The following LEP variants were observed in gnomAD, a reference collection of about 807,000 sequenced individuals.
The protein encoded by LEP is leptin.
A neutral mutation model predicts 9.8 loss-of-function variants in LEP; 6 were observed. The observed-to-expected ratio is 0.61, with a 90% confidence interval of 0.34 to 1.21. The LOEUF is 1.21. Among genes scored for constraint, LEP ranks in the 50% most tolerant of loss-of-function variants. The probability of loss-of-function intolerance (pLI) is 0.04; values close to 1 mark genes in which losing one functional copy is unlikely to be tolerated. For missense variants in LEP, 134 were observed against 198.1 expected (o/e 0.68, Z 1.94); for synonymous variants, 112 against 81.7 (o/e 1.37, Z -2.00).
chr7:128,244,521 G>C (rs1162637384), intron 1 of LEP, among the ~76,000 whole-genome samples: 1 of 152,172 alleles, frequency 6.6e-6, no homozygotes, highest in Non-Finnish European at 1.5e-5. Flanking sequence ...ACTCTCAAGA[G>C]TGCATTACCC....
chr7:128,242,030 AC>A (rs1380188616), intron 1 of LEP, among the ~76,000 whole-genome samples: 2 of 152,222 alleles, frequency 1.3e-5, no homozygotes, highest in Non-Finnish European at 1.5e-5. Context: ...CTGTTGGCCC[AC>A]CAGGCTCACC....
intron 1 of LEP, among the ~76,000 whole-genome samples, chr7:128,247,954 G>T (rs1206408300): frequency 6.6e-6 from 1 of 152,174 alleles, no homozygotes; most frequent in African/African-American, 2.4e-5. Flanking sequence ...TCTTTGCTGA[G>T]TCACCCAAGG....
intron 1 of LEP, among the ~76,000 whole-genome samples, chr7:128,251,321 A>G (rs904346535): frequency 2.0e-5 from 3 of 152,180 alleles, no homozygotes; most frequent in East Asian, 1.9e-4. Flanking sequence ...TGCGTCTGAC[A>G]TATTATTTAG....
chr7:128,249,411 T>C lies in LEP; in HGVS notation c.-28-2580T>C, dbSNP rs193025377. Reference sequence around the variant, plus strand: ...CTCCTGGTTCAAGATGGTGCTAGAATGTTGGCTACCATATCTATAGTCCAG... The same window carrying C: ...CTCCTGGTTCAAGATGGTGCTAGAACGTTGGCTACCATATCTATAGTCCAG... On this transcript the variant is annotated intron_variant, in intron 1 of 2. Transcript: ENST00000308868. Among the ~76,000 whole-genome samples the C allele has an allele frequency of 6.0e-4, 91 of 152,290 alleles. 1 individual carries two copies. The highest frequency in any genetic ancestry group is 4.1e-3 in the East Asian group (21 of 5,180).
chr7:128,242,537 A>G (rs970268406), intron 1 of LEP, among the ~76,000 whole-genome samples: 2 of 152,216 alleles, frequency 1.3e-5, no homozygotes, highest in African/African-American at 4.8e-5. Context: ...GCAGGGAGAC[A>G]AGGCAAGAGA....
chr7:128,251,862 AGGGGAT>A (rs1795278609), intron 1 of LEP, 123 bp from the exon 2 acceptor site: 1 of 748,110 alleles, frequency 1.3e-6, no homozygotes, highest in South Asian at 1.5e-5. Flanking sequence ...TTTGACTTTG[AGGGGAT>A]GGTAGCCAGA....
chr7:128,250,052 C>T lies in LEP; in HGVS notation c.-28-1939C>T, dbSNP rs1042817448. Among the ~76,000 whole-genome samples the T allele has an allele frequency of 5.3e-5, 8 of 152,214 alleles. 1 individual carries two copies. The highest frequency in any genetic ancestry group is 1.9e-4 in the African/African-American group (8 of 41,532). Reference sequence around the variant, plus strand: ...CACAGTTAATCTGGTAATAAATTCTCTTGGGTAGGAGGAAAGGAAAGGATG... The same window carrying T: ...CACAGTTAATCTGGTAATAAATTCTTTTGGGTAGGAGGAAAGGAAAGGATG... On this transcript the variant is annotated intron_variant, in intron 1 of 2. Coordinates refer to ENST00000308868, the MANE Select transcript of LEP (RefSeq NM_000230.3).
chr7:128,254,574 G>A lies in LEP; in HGVS notation c.315G>A (p.Arg105=), dbSNP rs755102882. The A allele has an allele frequency of 5.6e-6, 9 of 1,614,178 alleles. No homozygotes were observed. Among genetic ancestry groups the A allele is most frequent in the Non-Finnish European group, 7.6e-6 (9 of 1,180,028 alleles). ...TATCCAACGACCTGGAGAACCTCCG[G>A]GATCTTCTTCACGTGCTGGCCTTCT... ...IQISNDLENL[R]DLLHVLAFSK... Residue 105 remains arginine (R), a synonymous_variant, in exon 3 of 3, where the codon CGG becomes CGA. Coordinates refer to ENST00000308868, the MANE Select transcript of LEP (RefSeq NM_000230.3).
Position 128,254,998 on chromosome 7 carries a change from A to G in LEP, c.*235A>G. The G allele has an allele frequency of 1.8e-6, 1 of 544,920 alleles. No individual in the cohort carries two copies. The highest frequency in any genetic ancestry group is 2.0e-5 in the South Asian group (1 of 49,964). The allele number at this position is 544,920 out of a possible 1,614,324, so 33.8% of individuals were successfully genotyped here. A position where few individuals can be genotyped will look rare whatever the true frequency, so the allele number is the denominator to read the frequency against. On this transcript the variant is annotated 3_prime_UTR_variant, in exon 3 of 3. Coordinates refer to ENST00000308868, the MANE Select transcript of LEP (RefSeq NM_000230.3). ...TCACCAGGAAGGGGGTCCACCCAGCAAAGAGTGGGCTGCATCTGGGATTCC... is the reference window on the plus strand; with the variant it reads ...TCACCAGGAAGGGGGTCCACCCAGCGAAGAGTGGGCTGCATCTGGGATTCC...
At chr7:128,241,622 C>G (rs1340919400) in intron 1 of LEP, among the ~76,000 whole-genome samples, 2 of 152,226 alleles carry the variant, frequency 1.3e-5, no homozygotes, top group East Asian at 3.8e-4. Context: ...TTGGAAATTG[C>G]CTTGGGCACA....
chr7:128,247,550 G>A (rs910041001), intron 1 of LEP, among the ~76,000 whole-genome samples: 1 of 152,126 alleles, frequency 6.6e-6, no homozygotes, highest in Non-Finnish European at 1.5e-5. Context: ...TCAGCTGGAA[G>A]CCACCATCTC....
At chr7:128,242,792 A>T (rs1444037636) in intron 1 of LEP, among the ~76,000 whole-genome samples, 2 of 152,320 alleles carry the variant, frequency 1.3e-5, no homozygotes, top group East Asian at 3.9e-4. Context: ...CCCCAGGCAG[A>T]TGCCTTGCAC....
At chr7:128,241,438 A>G (rs1367552762) in intron 1 of LEP, 132 bp downstream of exon 1, 1 of 153,084 alleles carries the variant, frequency 6.5e-6, no homozygotes, top group East Asian at 1.9e-4. Flanking sequence ...GTTCTGGACT[A>G]TGATAGCTTT....
intron 1 of LEP, among the ~76,000 whole-genome samples, chr7:128,247,763 A>T (rs879883059): frequency 6.6e-6 from 1 of 152,216 alleles, no homozygotes; most frequent in Non-Finnish European, 1.5e-5. Context: ...GGCACTTTAC[A>T]TGCTTTATCT....
intron 2 of LEP, among the ~76,000 whole-genome samples, chr7:128,253,230 G>C (rs1215682865): frequency 6.6e-6 from 1 of 152,094 alleles, no homozygotes; most frequent in Non-Finnish European, 1.5e-5. Flanking sequence ...TGTAGTTCCA[G>C]CTGATCTCTG....
chr7:128,245,313 TCCCATCCCCGGAGTC>T, intron 1 of LEP, among the ~76,000 whole-genome samples: 1 of 152,158 alleles, frequency 6.6e-6, no homozygotes, highest in East Asian at 1.9e-4. Context: ...AAAGCTCTCC[TCCCATCCCCGGAGTC>T]CCTCTTCCCC....
intron 1 of LEP, among the ~76,000 whole-genome samples, chr7:128,248,720 G>A (rs933415607): frequency 6.6e-6 from 1 of 152,180 alleles, no homozygotes; most frequent in Non-Finnish European, 1.5e-5. Context: ...AATATTTTAT[G>A]TAAGTAGTTG....
intron 1 of LEP, among the ~76,000 whole-genome samples, chr7:128,242,256 G>A (rs184900134): frequency 7.6e-4 from 116 of 152,354 alleles, no homozygotes; most frequent in Non-Finnish European, 1.3e-3. Context: ...TCTTTGGGGA[G>A]GTGGGTGAAG....
chr7:128,245,221 T>C (rs1795197823), intron 1 of LEP, among the ~76,000 whole-genome samples: 1 of 152,164 alleles, frequency 6.6e-6, no homozygotes, highest in African/African-American at 2.4e-5. Flanking sequence ...CTCCGGAGCT[T>C]GGCCTGGAAT....
Sources: allele counts gnomAD v4.1 joint callset (sites outside exome capture counted in the v4.1 genomes callset), GRCh38; gene constraint gnomAD v4.1.1; transcripts MANE v1.5; gene names NCBI Gene and HGNC (gene_info 2026-07-23, HGNC 2026-07-21).